Variants in AGAP1 observed in about 807,000 individuals in gnomAD.
AGAP1 encodes the protein arf-GAP with GTPase, ANK repeat and PH domain-containing protein 1.
Under a neutral mutation model 105.3 loss-of-function variants are expected in AGAP1, and 29 were observed. That is an observed-to-expected ratio of 0.28 (90% CI 0.21 to 0.38). The LOEUF is 0.38. AGAP1 is among the 10% of genes least tolerant of loss of function. The probability of loss-of-function intolerance (pLI) is 1.00; values close to 1 mark genes in which losing one functional copy is unlikely to be tolerated. For missense variants in AGAP1, 998 were observed against 1,165.1 expected, an observed-to-expected ratio of 0.86 and a Z score of 2.09; for synonymous variants, 509 against 485.9, an observed-to-expected ratio of 1.05 and a Z score of -0.63.
rs146720667 is a variant in AGAP1 at position 235,729,709 on chromosome 2, C to G, written c.311-11254C>G. ...CACAGGATTGTAAGAATTACAAATG[C>G]GTTTTCCAGAGTCCCCAGAGAAAAA... On this transcript the variant is annotated intron_variant, in intron 3 of 17. Transcript: ENST00000304032. This position sits in a 1 kb window ranked among gnomAD's most constrained non-coding sequence, Gnocchi z 5.0. Among the ~76,000 whole-genome samples, 2 of 152,186 alleles carry G rather than the reference C, an allele frequency of 1.3e-5. No homozygotes were observed. The highest frequency in any genetic ancestry group is 1.3e-4 in the Admixed American group (2 of 15,302).
intron 1 of AGAP1, among the ~76,000 whole-genome samples, chr2:235,634,630 CTG>C (rs1946931974): frequency 6.6e-6 from 1 of 152,186 alleles, no homozygotes; most frequent in East Asian, 1.9e-4. Flanking sequence ...TGTAGGGAAT[CTG>C]GGGACAGCCG....
At chr2:235,819,512 C>A (rs750213123) in intron 9 of AGAP1, among the ~76,000 whole-genome samples, 1 of 152,132 alleles carries the variant, frequency 6.6e-6, no homozygotes, top group Non-Finnish European at 1.5e-5. Flanking sequence ...TCACTTAGGG[C>A]TTCTTTCCTT....
In AGAP1 at chr2:235,510,303, G is replaced by A. The variant is rs138732650; in HGVS notation, c.163+15454G>A. Among the ~76,000 whole-genome samples, 501 of 152,282 alleles carry A rather than the reference G, an allele frequency of 3.3e-3. 2 individuals are homozygous for A. The highest frequency in any genetic ancestry group is 0.012 in the African/African-American group (478 of 41,548). On this transcript the variant is annotated intron_variant, in intron 1 of 17. Coordinates refer to ENST00000304032, the MANE Select transcript of AGAP1 (RefSeq NM_001037131.3). ...AAGGTTAGGGACCACTGCAGTAAAG[G>A]ACCCCTTCTTTGACTGGCTTCATTC...
rs965075160 is a variant in AGAP1, at chr2:235,767,324, G to A, written c.673+16836G>A. On this transcript the variant is annotated intron_variant, in intron 6 of 17. Coordinates refer to ENST00000304032, the MANE Select transcript of AGAP1 (RefSeq NM_001037131.3). The stretch of plus-strand genomic sequence containing the variant: ...TTGAGTGATTGGCCAGGCACCTCAC[G>A]TTAGCGTCTGCAGCCTTGAATCGGG... Among the ~76,000 whole-genome samples the A allele has an allele frequency of 6.6e-5, 10 of 152,326 alleles. No homozygotes were observed. The East Asian group carries it at 1.7e-3, about 26-fold the overall frequency.
At chr2:235,541,917 T>C (rs1943454772) in intron 1 of AGAP1, among the ~76,000 whole-genome samples, 1 of 152,222 alleles carries the variant, frequency 6.6e-6, no homozygotes, top group African/African-American at 2.4e-5. Flanking sequence ...CCATTTTCAC[T>C]GCTGTATAAT....
intron 1 of AGAP1, among the ~76,000 whole-genome samples, chr2:235,649,706 G>A (rs1435102162): frequency 2.0e-5 from 3 of 152,210 alleles, no homozygotes; most frequent in African/African-American, 7.2e-5. Context: ...CCAGGTGGCT[G>A]TGCTGATGCT....
intron 1 of AGAP1, among the ~76,000 whole-genome samples, chr2:235,592,099 G>T (rs896250672): frequency 6.6e-6 from 1 of 152,214 alleles, no homozygotes; most frequent in Non-Finnish European, 1.5e-5. Flanking sequence ...TTGAAGTGGC[G>T]CTGGTTCCCA....
chr2:235,505,868 C>T (rs895103951), intron 1 of AGAP1: 5 of 150,866 alleles, frequency 3.3e-5, no homozygotes, highest in African/African-American at 9.8e-5. Context: ...TTTTGTTGGA[C>T]GGTCTACTAC....
At chr2:235,670,108 G>T (rs1271775895) in intron 1 of AGAP1, 2 of 533,702 alleles carry the variant, frequency 3.7e-6, no homozygotes, top group Non-Finnish European at 6.8e-6. Flanking sequence ...ACATGTACTT[G>T]TTGGACGGCA....
At chr2:235,495,332 C>A (rs990482470) in intron 1 of AGAP1, among the ~76,000 whole-genome samples, 1 of 152,236 alleles carries the variant, frequency 6.6e-6, no homozygotes, top group South Asian at 2.1e-4. Flanking sequence ...AGTGTGTTTG[C>A]TTAATTCAGG....
In AGAP1 at chr2:236,005,503, A is replaced by AC. The variant is rs2056292564; in HGVS notation, c.1646-31058_1646-31057insC. Among the ~76,000 whole-genome samples the AC allele has an allele frequency of 2.0e-5, 3 of 152,026 alleles. No individual in the cohort carries two copies. Among genetic ancestry groups the AC allele is most frequent in the African/African-American group, 7.2e-5 (3 of 41,386 alleles). Reference sequence around the variant, plus strand: ...CATTTCTTAGAGTTCATGAGTCAATATTGATATGTTTTTATTAAAGTCCAC... The same window carrying AC: ...CATTTCTTAGAGTTCATGAGTCAATACTTGATATGTTTTTATTAAAGTCCAC... On this transcript the variant is annotated intron_variant, in intron 13 of 17. Transcript: ENST00000304032. This position sits in a 1 kb window ranked among gnomAD's most constrained non-coding sequence, Gnocchi z 4.1.
chr2:235,729,656 C>G lies in AGAP1; in HGVS notation c.311-11307C>G, dbSNP rs550878608. Among the ~76,000 whole-genome samples the G allele has an allele frequency of 2.6e-5, 4 of 152,084 alleles. No homozygotes were observed. The highest frequency in any genetic ancestry group is 4.4e-5 in the Non-Finnish European group (3 of 68,042). On this transcript the variant is annotated intron_variant, in intron 3 of 17. Transcript: ENST00000304032. This position sits in a 1 kb window ranked among gnomAD's most constrained non-coding sequence, Gnocchi z 5.0. ...AGGCCTGGAGACAACCTGCTGGCCT[C>G]CTTCCATTAAAGCCATTACAGTGTC...
At chr2:235,844,508 G>C (rs1961243807) in intron 9 of AGAP1, among the ~76,000 whole-genome samples, 1 of 152,230 alleles carries the variant, frequency 6.6e-6, no homozygotes, top group African/African-American at 2.4e-5. Flanking sequence ...TTTGGGGGCT[G>C]ATGAAAATGC....
In AGAP1 at chr2:235,961,631, C is replaced by T. The variant is rs1337892052; in HGVS notation, c.1484-6831C>T. The stretch of plus-strand genomic sequence containing the variant: ...TGTTAAAAATGTGAGATGACAGGGC[C>T]GGGCGTGGTGGCTCATGCCTATAAT... On this transcript the variant is annotated intron_variant, in intron 12 of 17. Coordinates refer to ENST00000304032, the MANE Select transcript of AGAP1 (RefSeq NM_001037131.3). This position sits in a 1 kb window ranked among gnomAD's most constrained non-coding sequence, Gnocchi z 5.9. 1.3e-5 allele frequency among the ~76,000 whole-genome samples: 2 copies of T among 152,110 alleles called. No homozygotes were observed. The highest frequency in any genetic ancestry group is 4.8e-5 in the African/African-American group (2 of 41,438).
intron 9 of AGAP1, among the ~76,000 whole-genome samples, chr2:235,815,426 C>T (rs1958398076): frequency 6.6e-6 from 1 of 152,208 alleles, no homozygotes; most frequent in South Asian, 2.1e-4. Context: ...ATCAGGGTCC[C>T]ATCTGTACGT....
intron 1 of AGAP1, among the ~76,000 whole-genome samples, chr2:235,563,417 T>C (rs948339157): frequency 2.6e-5 from 4 of 152,336 alleles, no homozygotes; most frequent in African/African-American, 9.6e-5. Flanking sequence ...TGAGCTCTGC[T>C]AATCAGCCCC....
chr2:235,583,553 ATTTTTT>A (rs763297542), intron 1 of AGAP1, among the ~76,000 whole-genome samples: 2 of 128,464 alleles, frequency 1.6e-5, no homozygotes, highest in Admixed American at 1.6e-4. Context: ...TACCTGGCTA[ATTTTTT>A]TTTTTTTTTT....
chr2:235,744,621 C>A lies in AGAP1; in HGVS notation c.397-77C>A. ...GATTCCTGCAGCCCCCTGCTGCCTG[C>A]CGCCATGCAGACATCTCTGTTCTTA... is the stretch of plus-strand genomic sequence containing the variant. On this transcript the variant is annotated intron_variant, in intron 4 of 17. Coordinates refer to ENST00000304032, the MANE Select transcript of AGAP1 (RefSeq NM_001037131.3). This position sits in a 1 kb window ranked among gnomAD's most constrained non-coding sequence, Gnocchi z 5.2. The A allele has an allele frequency of 6.4e-7, 1 of 1,568,842 alleles. No individual in the cohort carries two copies. Among genetic ancestry groups the A allele is most frequent in the Non-Finnish European group, 8.7e-7 (1 of 1,146,500 alleles).
intron 6 of AGAP1, among the ~76,000 whole-genome samples, chr2:235,759,312 GCGCC>G (rs1954216241): frequency 2.0e-5 from 3 of 151,976 alleles, no homozygotes; most frequent in Admixed American, 2.0e-4. Flanking sequence ...GGGACTACAG[GCGCC>G]TGCCACCACG....
Sources: allele counts gnomAD v4.1 joint callset (sites outside exome capture counted in the v4.1 genomes callset), GRCh38; gene constraint gnomAD v4.1.1; non-coding constraint Gnocchi (gnomAD v3.1); transcripts MANE v1.5; gene names NCBI Gene and HGNC (gene_info 2026-07-23, HGNC 2026-07-21).